Variants in CDKN1A observed in about 807,000 individuals in gnomAD.
The protein encoded by CDKN1A is cyclin-dependent kinase inhibitor 1.
In CDKN1A, 14 loss-of-function variants were observed where a neutral mutation model predicts 14.8. The observed-to-expected ratio is 0.94, with a 90% CI of 0.62 to 1.48. The LOEUF (loss-of-function observed/expected upper bound fraction) is 1.48. CDKN1A is among the 40% of genes most tolerant of loss of function. The pLI is 0.00. For missense variants in CDKN1A, 203 were observed against 231.7 expected (o/e 0.88, Z 0.80); for synonymous variants, 92 against 93.5 (o/e 0.98, Z 0.09).
chr6:36,678,702 G>A (rs1386618177), upstream of CDKN1A: 5 of 985,406 alleles, frequency 5.1e-6, no homozygotes, highest in East Asian at 1.1e-4. The surrounding 1 kb of genome is among the most constrained non-coding windows in gnomAD (Gnocchi z 5.7). Flanking sequence ...GCCGCGCTGA[G>A]CTGCGCCAGC....
intron 1 of CDKN1A, among the ~76,000 whole-genome samples, chr6:36,681,334 T>TTCTTTCCTTCTTTCTTTC (rs780161958): frequency 7.0e-5 from 6 of 86,116 alleles, no homozygotes; most frequent in African/African-American, 2.6e-4. Context: ...CTTTCTTTCT[T>TTCTTTCCTTCTTTCTTTC]TTTCTTTCTT....
chr6:36,682,044 C>T lies in CDKN1A; in HGVS notation c.-5-2053C>T, dbSNP rs115590367. 7.5e-3 allele frequency among the ~76,000 whole-genome samples: 1,147 copies of T among 152,320 alleles called. 10 individuals carry two copies. The highest frequency in any genetic ancestry group is 0.024 in the African/African-American group (981 of 41,564). ...ACAGGCATAAGCCACTGCCCCTGGC[C>T]TCCCCAAGTGATTGTGATGGGCCTC... On this transcript the variant is annotated intron_variant, in intron 1 of 2. Coordinates refer to ENST00000244741, the MANE Select transcript of CDKN1A (RefSeq NM_000389.5).
chr6:36,676,964 CT>C (rs1761712784), upstream of CDKN1A, among the ~76,000 whole-genome samples: 1 of 151,722 alleles, frequency 6.6e-6, no homozygotes, highest in African/African-American at 2.4e-5. Flanking sequence ...CATTACAAGC[CT>C]TTATTAAAAA....
At chr6:36,681,653 C>A (rs533099516) in intron 1 of CDKN1A, among the ~76,000 whole-genome samples, 4 of 130,284 alleles carry the variant, frequency 3.1e-5, no homozygotes, top group African/African-American at 1.2e-4. Context: ...AGTGCAGTGG[C>A]GTGATCTCGG....
chr6:36,677,323 C>T (rs563812471), upstream of CDKN1A, among the ~76,000 whole-genome samples: 2 of 152,122 alleles, frequency 1.3e-5, no homozygotes, highest in African/African-American at 2.4e-5. Context: ...AGGTCAGCTG[C>T]GTTAGAGGAA....
At chr6:36,677,605 A>C, upstream of CDKN1A, 2 of 379,026 alleles carry the variant, frequency 5.3e-6, no homozygotes, top group Non-Finnish European at 1.0e-5. Flanking sequence ...GAACCAGTAG[A>C]CACTTCCAGA....
intron 1 of CDKN1A, chr6:36,682,858 C>T (rs1311624340): frequency 6.6e-6 from 1 of 152,252 alleles, no homozygotes; most frequent in Non-Finnish European, 1.5e-5. Flanking sequence ...TTTCCTTGGA[C>T]ACAGGCAACA....
At chr6:36,681,290 TTC>T (rs1191329672) in intron 1 of CDKN1A, among the ~76,000 whole-genome samples, 1 of 114,670 alleles carries the variant, frequency 8.7e-6, no homozygotes, top group Non-Finnish European at 1.9e-5. Flanking sequence ...TTTTCTTTCT[TTC>T]TTTCTTTCTT....
chr6:36,676,505 C>T (rs1761697297), upstream of CDKN1A: 1 of 152,304 alleles, frequency 6.6e-6, no homozygotes, highest in Non-Finnish European at 1.5e-5. Context: ...CTATTTTGTC[C>T]TTGGGCTGCC....
At chr6:36,678,201 A>G (rs1356074536), upstream of CDKN1A, 2 of 321,842 alleles carry the variant, frequency 6.2e-6, no homozygotes, top group East Asian at 8.0e-5. The surrounding 1 kb of genome is among the most constrained non-coding windows in gnomAD (Gnocchi z 5.7). Flanking sequence ...GTGAGGGATC[A>G]GTGGGAATAG....
chr6:36,683,889 C>T (rs1762097818), intron 1 of CDKN1A, among the ~76,000 whole-genome samples: 1 of 152,276 alleles, frequency 6.6e-6, no homozygotes, highest in African/African-American at 2.4e-5. Context: ...TGCCTGCTCT[C>T]CCAGTGACCT....
chr6:36,678,531 CG>C (rs1209397408), upstream of CDKN1A: 1 of 362,784 alleles, frequency 2.8e-6, no homozygotes, highest in Non-Finnish European at 3.8e-6. The surrounding 1 kb of genome is among the most constrained non-coding windows in gnomAD (Gnocchi z 5.7). Flanking sequence ...CGCGAGGTTC[CG>C]GGACCGGCTG....
upstream of CDKN1A, chr6:36,677,906 T>C (rs766310650): frequency 2.1e-5 from 29 of 1,361,484 alleles, 2 homozygotes; most frequent in South Asian, 3.2e-4. Context: ...ACAAAGCTGC[T>C]GCAACCACAG....
chr6:36,686,267 G>A lies in CDKN1A; in HGVS notation c.*467G>A. On this transcript the variant is annotated 3_prime_UTR_variant, in exon 3 of 3. Transcript: ENST00000244741. The surrounding 1 kb of genome is among the most constrained non-coding windows in gnomAD (Gnocchi z 4.9). Reference sequence around the variant, plus strand: ...TTTTTCATTTGAGAAGTAAACAGATGGCACTTTGAAGGGGCCTCACCGAGT... The same window carrying A: ...TTTTTCATTTGAGAAGTAAACAGATAGCACTTTGAAGGGGCCTCACCGAGT... The A allele has an allele frequency of 1.6e-5, 5 of 310,042 alleles. No individual in the cohort carries two copies. The South Asian group carries it at 2.7e-4, about 17-fold the overall frequency. The allele number at this position is 310,042 out of a possible 1,614,324, so 19.2% of individuals were successfully genotyped here.
chr6:36,678,005 T>G (rs957505241), upstream of CDKN1A: 2 of 691,760 alleles, frequency 2.9e-6, no homozygotes, highest in Non-Finnish European at 4.6e-6. The surrounding 1 kb of genome is among the most constrained non-coding windows in gnomAD (Gnocchi z 5.7). Flanking sequence ...GGTTGCCCTT[T>G]TTTGGTAGTC....
intron 2 of CDKN1A, 117 bp from the exon 3 acceptor site, chr6:36,685,634 G>A (rs1247259273): frequency 3.1e-6 from 3 of 974,216 alleles, no homozygotes; most frequent in Non-Finnish European, 5.0e-6. Context: ...GTTCTCAGCA[G>A]TCGGCCCCAT....
In CDKN1A at chr6:36,681,334, T is replaced by TTCTTTCTTTCTTTCTTTC; in HGVS notation, c.-6+2537_-6+2538insCTTTCTTTCTTTCTTTCT. ...TTTCTTTCTTTCTTTCTTTCTTTCT[T>TTCTTTCTTTCTTTCTTTC]TTTCTTTCTTTCTTTCTTTTTCTTT... On this transcript the variant is annotated intron_variant, in intron 1 of 2. Coordinates refer to ENST00000244741, the MANE Select transcript of CDKN1A (RefSeq NM_000389.5). Among the ~76,000 whole-genome samples the TTCTTTCTTTCTTTCTTTC allele has an allele frequency of 2.3e-5, 2 of 86,058 alleles. 1 individual carries two copies. Among genetic ancestry groups the TTCTTTCTTTCTTTCTTTC allele is most frequent in the Non-Finnish European group, 4.9e-5 (2 of 40,748 alleles). 56.5% of individuals were successfully genotyped at this position (86,058 alleles called of 152,430 possible).
In CDKN1A at chr6:36,686,068, G is replaced by A. The variant is rs1582587328; in HGVS notation, c.*268G>A. On this transcript the variant is annotated 3_prime_UTR_variant, in exon 3 of 3. Transcript: ENST00000244741. The surrounding 1 kb of genome is among the most constrained non-coding windows in gnomAD (Gnocchi z 4.9). Reference sequence around the variant, plus strand: ...ATACTATTTAAAGCCTCCTCATCCCGTGTTCTCCTTTTCCTCTCTCCCGGA... The same window carrying A: ...ATACTATTTAAAGCCTCCTCATCCCATGTTCTCCTTTTCCTCTCTCCCGGA... 12 of 526,846 alleles carry A rather than the reference G, an allele frequency of 2.3e-5. No homozygotes were observed. The highest frequency in any genetic ancestry group is 9.7e-5 in the Admixed American group (3 of 30,936). 32.6% of individuals were successfully genotyped at this position (526,846 alleles called of 1,614,324 possible).
chr6:36,685,764 C>T lies in CDKN1A; in HGVS notation c.459C>T (p.Ser153=), dbSNP rs199543282. The change falls in exon 3 of 3, where the codon TCC becomes TCT. Residue 153 remains serine, a synonymous_variant. Transcript: ENST00000244741. ...RQTSMTDFYH[S]KRRLIFSKRK... is the part of the protein sequence containing the mutation. Reference sequence around the variant, plus strand: ...GTCTCTCCTCAGATTTCTACCACTCCAAACGCCGGCTGATCTTCTCCAAGA... The same window carrying T: ...GTCTCTCCTCAGATTTCTACCACTCTAAACGCCGGCTGATCTTCTCCAAGA... 6.2e-6 allele frequency: 10 copies of T among 1,614,220 alleles called. No homozygotes were observed. The East Asian group carries it at 2.0e-4, about 32-fold the overall frequency.
Sources: gnomAD v4.1 joint callset for allele counts (sites outside exome capture counted in the v4.1 genomes callset) on GRCh38, gnomAD v4.1.1 for gene constraint, Gnocchi (gnomAD v3.1) non-coding constraint, MANE v1.5 for transcripts, NCBI Gene and HGNC (gene_info 2026-07-23, HGNC 2026-07-21) for gene names.